Variants in MTUS2 observed in about 807,000 individuals in gnomAD.
The protein encoded by MTUS2 is microtubule-associated tumor suppressor candidate 2.
MTUS2 carries 40 observed loss-of-function variants against 114.1 expected under a neutral mutation model. The observed-to-expected ratio is 0.35, with a 90% confidence interval of 0.27 to 0.46. The LOEUF (loss-of-function observed/expected upper bound fraction) is 0.46, where lower values mean the gene tolerates loss of function less well. Among genes scored for constraint, MTUS2 ranks in the 20% least tolerant of loss-of-function variants. MTUS2 has a pLI of 1.00. For synonymous variants in MTUS2, 688 were observed against 672.0 expected (o/e 1.02, Z -0.37); for missense variants, 1,679 against 1,705.4 (o/e 0.98, Z 0.27).
chr13:29,014,206 A>G (rs1593383511), intron 2 of MTUS2, among the ~76,000 whole-genome samples: 1 of 152,138 alleles, frequency 6.6e-6, no homozygotes, highest in Admixed American at 6.5e-5. Context: ...GCCAGGCCCC[A>G]CCCTGCTGTG....
At chr13:29,389,497 A>G (rs1274808564) in intron 8 of MTUS2, among the ~76,000 whole-genome samples, 3 of 108,588 alleles carry the variant, frequency 2.8e-5, no homozygotes, top group Non-Finnish European at 4.1e-5. Flanking sequence ...GTATGTGTAT[A>G]TATGTATACA....
At chr13:28,914,862 T>C (rs1880658582) in intron 2 of MTUS2, among the ~76,000 whole-genome samples, 1 of 151,914 alleles carries the variant, frequency 6.6e-6, no homozygotes, top group Non-Finnish European at 1.5e-5. Context: ...TTTTTATTTT[T>C]ATTTTTTTAA....
chr13:29,032,573 A>G (rs147067238), intron 3 of MTUS2, among the ~76,000 whole-genome samples: 146 of 152,352 alleles, frequency 9.6e-4, no homozygotes, highest in African/African-American at 3.4e-3. Flanking sequence ...TTTCATAGGA[A>G]TATAATTTGC....
chr13:29,406,364 C>T (rs1284965977), intron 8 of MTUS2, among the ~76,000 whole-genome samples: 1 of 152,124 alleles, frequency 6.6e-6, no homozygotes, highest in African/African-American at 2.4e-5. Flanking sequence ...GCAGTCACAT[C>T]AAAGCTGGAC....
At chr13:29,137,022 C>T (rs1423013371) in intron 5 of MTUS2, among the ~76,000 whole-genome samples, 2 of 152,194 alleles carry the variant, frequency 1.3e-5, no homozygotes, top group African/African-American at 2.4e-5. Context: ...AGAGAGAAAT[C>T]TCCCCACAAT....
intron 2 of MTUS2, among the ~76,000 whole-genome samples, chr13:28,976,068 G>T (rs998864399): frequency 6.6e-6 from 1 of 151,976 alleles, no homozygotes; most frequent in African/African-American, 2.4e-5. Flanking sequence ...GGCAGGTGCG[G>T]TGGTGCACAT....
intron 5 of MTUS2, among the ~76,000 whole-genome samples, chr13:29,103,648 G>A (rs1232925109): frequency 2.0e-5 from 3 of 152,138 alleles, no homozygotes; most frequent in Non-Finnish European, 4.4e-5. Flanking sequence ...GTTTACACCA[G>A]CAACACCACA....
chr13:29,024,579 G>C lies in MTUS2; in HGVS notation c.-120G>C, dbSNP rs1886423874. The C allele has an allele frequency of 8.1e-7, 1 of 1,229,828 alleles. No individual in the cohort carries two copies. Among genetic ancestry groups the C allele is most frequent in the Admixed American group, 2.3e-5 (1 of 44,102 alleles). The allele number at this position is 1,229,828 out of a possible 1,614,324, so 76.2% of individuals were successfully genotyped here. ...AATGATTAAAGCAGTGTCGCAAGGT[G>C]ACATTGTCAGGGGAGAACAAGCAGC... On this transcript the variant is annotated 5_prime_UTR_variant, in exon 3 of 16. Transcript: ENST00000612955.
intron 4 of MTUS2, among the ~76,000 whole-genome samples, chr13:29,094,876 A>C (rs1174879144): frequency 6.6e-6 from 1 of 151,896 alleles, no homozygotes; most frequent in Non-Finnish European, 1.5e-5. Context: ...TTGGTATGTC[A>C]TTCATTTTTA....
At chr13:29,307,516 T>C (rs1438430535) in intron 6 of MTUS2, 7 of 1,253,946 alleles carry the variant, frequency 5.6e-6, no homozygotes, top group Non-Finnish European at 8.1e-6. Flanking sequence ...GGATCTGACC[T>C]GCTGTCTTGA....
At chr13:29,207,384 C>G (rs1444391082) in intron 5 of MTUS2, among the ~76,000 whole-genome samples, 1 of 152,150 alleles carries the variant, frequency 6.6e-6, no homozygotes, top group African/African-American at 2.4e-5. Flanking sequence ...GACAGTTTCA[C>G]TTCTTCTTTA....
intron 2 of MTUS2, among the ~76,000 whole-genome samples, chr13:29,001,474 C>CT (rs1462588703): frequency 1.3e-5 from 2 of 152,156 alleles, no homozygotes; most frequent in Admixed American, 1.3e-4. Context: ...TGACTCCAGG[C>CT]TGTTTGCCCT....
At chr13:29,248,532 A>C (rs895311954) in intron 5 of MTUS2, among the ~76,000 whole-genome samples, 4 of 152,190 alleles carry the variant, frequency 2.6e-5, no homozygotes, top group African/African-American at 9.7e-5. Flanking sequence ...TTTGTAATCT[A>C]GGTATATGTG....
intron 7 of MTUS2, among the ~76,000 whole-genome samples, chr13:29,346,498 G>A (rs9551656): frequency 0.73 from 109,908 of 150,462 alleles, 44,168 homozygotes; most frequent in East Asian, 0.9. Context: ...AGCTGGCAGT[G>A]ACAGGCCTTA....
In MTUS2 at chr13:28,882,744, T is replaced by A. The variant is rs183930757; in HGVS notation, c.-243+42894T>A. On this transcript the variant is annotated intron_variant, in intron 2 of 15. Coordinates refer to ENST00000612955, the MANE Select transcript of MTUS2 (RefSeq NM_001033602.4). ...AGGGTGAGATCCTGTCTCTAAAAAA[T>A]TTTTTTTTAAATAGACAATCAAAAC... 9.4e-3 allele frequency among the ~76,000 whole-genome samples: 1,429 copies of A among 151,782 alleles called. 7 individuals are homozygous for A. Among genetic ancestry groups the A allele is most frequent in the Non-Finnish European group, 0.014 (949 of 67,904 alleles).
At position 29,026,617 on chromosome 13, in the gene MTUS2, T is replaced by C. The variant is rs1186394060; in HGVS notation, c.1919T>C (p.Val640Ala). The change falls in exon 3 of 16, where the codon GTG becomes GCG. Residue 640 changes from valine to alanine, a missense_variant. By Grantham distance (64) the Val-to-Ala change is moderately conservative (BLOSUM62 0). Transcript: ENST00000612955. ...ATCATTATGCCCAAGCCCAAGCATG[T>C]GAGGCCCAAGATCATCACCTACATC... is the stretch of plus-strand genomic sequence containing the variant. ...KPIIMPKPKH[V>A]RPKIITYIRR... The C allele has an allele frequency of 6.2e-7, 1 of 1,613,994 alleles. No individual in the cohort carries two copies. Among genetic ancestry groups the C allele is most frequent in the South Asian group, 1.1e-5 (1 of 91,078 alleles).
intron 8 of MTUS2, among the ~76,000 whole-genome samples, chr13:29,428,053 A>G (rs912792634): frequency 1.1e-4 from 17 of 152,184 alleles, no homozygotes; most frequent in African/African-American, 3.9e-4. Context: ...CCAAGCCCCA[A>G]TTTTAATTAC....
chr13:28,856,568 T>G (rs975252537), intron 2 of MTUS2, among the ~76,000 whole-genome samples: 1 of 152,170 alleles, frequency 6.6e-6, no homozygotes, highest in African/African-American at 2.4e-5. Flanking sequence ...CTGTTGTCAC[T>G]TTGCCAGCAA....
chr13:29,299,908 C>T (rs1396786188), intron 6 of MTUS2, among the ~76,000 whole-genome samples: 1 of 151,912 alleles, frequency 6.6e-6, no homozygotes, highest in African/African-American at 2.4e-5. Context: ...TTTAATTAGT[C>T]TCTAATTTTA....
Sources: allele counts gnomAD v4.1 joint callset (sites outside exome capture counted in the v4.1 genomes callset), GRCh38; gene constraint gnomAD v4.1.1; transcripts MANE v1.5; gene names NCBI Gene and HGNC (gene_info 2026-07-23, HGNC 2026-07-21).